Variants in FAXDC2 observed in about 807,000 individuals in gnomAD.
FAXDC2 encodes the protein fatty acid hydroxylase domain-containing protein 2.
FAXDC2 carries 41 observed loss-of-function variants against 40.9 expected under a neutral mutation model. The observed-to-expected ratio is 1.00, with a 90% confidence interval of 0.78 to 1.30. FAXDC2 has a LOEUF of 1.30. Ranked by LOEUF, FAXDC2 falls within the 50% of genes most tolerant of loss-of-function variation. The pLI, the probability that FAXDC2 is intolerant of heterozygous loss-of-function variation, is 0.00. For synonymous variants in FAXDC2, 157 were observed against 149.3 expected (o/e 1.05, Z -0.38); for missense variants, 390 against 408.8 (o/e 0.95, Z 0.40).
chr5:154,820,321 C>G lies in FAXDC2; in HGVS notation c.997G>C (p.Glu333Gln). Residue 333 changes from glutamate (E) to glutamine (Q), a missense_variant, in exon 9 of 9, where the codon GAG becomes CAG. Transcript: ENST00000326080. ...ESIPDSPKRME is the reference protein window; with the variant it reads ...ESIPDSPKRMQ ...GATGACACTTAGGCTGTCTCTCACT[C>G]CATCCTCTTTGGGGAGTCTGGGATG... The G allele has an allele frequency of 6.2e-7, 1 of 1,607,202 alleles. No individual in the cohort carries two copies.
chr5:154,837,096 T>A (rs560207406), intron 2 of FAXDC2, among the ~76,000 whole-genome samples: 22 of 152,218 alleles, frequency 1.4e-4, no homozygotes, highest in Non-Finnish European at 2.5e-4. Context: ...ATCCCACTTC[T>A]GATCAAAAGA....
intron 5 of FAXDC2, among the ~76,000 whole-genome samples, chr5:154,825,735 T>C (rs1357743077): frequency 6.9e-6 from 1 of 144,224 alleles, no homozygotes; most frequent in African/African-American, 2.6e-5. Flanking sequence ...TGGTGAGAAG[T>C]GGTAAGAAGT....
rs1244561778 is a variant in FAXDC2, at chr5:154,824,489, T to C, written c.367-897A>G. 4.3e-6 allele frequency: 3 copies of C among 702,598 alleles called. No individual in the cohort carries two copies. In the East Asian group the frequency reaches 8.0e-5, roughly 19 times the overall value. 43.5% of individuals were successfully genotyped at this position (702,598 alleles called of 1,614,324 possible). On this transcript the variant is annotated intron_variant, in intron 5 of 8. Coordinates refer to ENST00000326080, the MANE Select transcript of FAXDC2 (RefSeq NM_032385.5). ...TCCTCCAGCCTTTCCAGGCACTGCA[T>C]GCATTAACTGATTTCAGAATTCACT...
At chr5:154,849,585 A>G (rs893416369) in intron 1 of FAXDC2, among the ~76,000 whole-genome samples, 6 of 152,348 alleles carry the variant, frequency 3.9e-5, no homozygotes, top group East Asian at 1.9e-4. Flanking sequence ...AAAGTGTTCA[A>G]CATTTGCTAT....
At chr5:154,821,962 G>C (rs1022764710) in intron 7 of FAXDC2, 1 of 157,344 alleles carries the variant, frequency 6.4e-6, no homozygotes, top group Non-Finnish European at 1.4e-5. Context: ...GGTGGCACAC[G>C]CCTGTAATCC....
chr5:154,823,334 T>C, intron 6 of FAXDC2, 53 bp downstream of exon 6: 1 of 1,545,082 alleles, frequency 6.5e-7, no homozygotes, highest in Admixed American at 1.7e-5. Flanking sequence ...TGTTGATCAG[T>C]GAGCCCTAGA....
chr5:154,821,373 C>T lies in FAXDC2; in HGVS notation c.732G>A (p.Leu244=). Residue 244 remains leucine (L), a synonymous_variant, in exon 8 of 9, where the codon TTG becomes TTA. Transcript: ENST00000326080. ...AGGAAAACCACATGGTGATGGAGGA[C>T]AAGTGGGAGCCCATTACTAATGGGC... ...IVGPLVMGSH[L]SSITMWFSLA... is the part of the protein sequence containing the mutation. The T allele has an allele frequency of 6.2e-7, 1 of 1,612,010 alleles. No homozygotes were observed. The highest frequency in any genetic ancestry group is 8.5e-7 in the Non-Finnish European group (1 of 1,179,318).
intron 5 of FAXDC2, among the ~76,000 whole-genome samples, chr5:154,827,419 TTTTG>T (rs1760066060): frequency 1.2e-5 from 1 of 80,250 alleles, no homozygotes; most frequent in African/African-American, 4.7e-5. Context: ...TTTTCTGTTA[TTTTG>T]TGTGTGTGTG....
rs544469651 is a variant in FAXDC2, at chr5:154,820,305, T to C, written c.*11A>G. The stretch of plus-strand genomic sequence containing the variant: ...GCTGAGGGACAGCCAGGATGACACT[T>C]AGGCTGTCTCTCACTCCATCCTCTT... On this transcript the variant is annotated 3_prime_UTR_variant, in exon 9 of 9. Transcript: ENST00000326080. 4 of 1,594,546 alleles carry C rather than the reference T, an allele frequency of 2.5e-6. No homozygotes were observed. In the South Asian group the frequency reaches 4.6e-5, roughly 18 times the overall value.
At chr5:154,837,286 T>G (rs914175069) in intron 2 of FAXDC2, among the ~76,000 whole-genome samples, 1 of 150,888 alleles carries the variant, frequency 6.6e-6, no homozygotes, top group Non-Finnish European at 1.5e-5. Context: ...TTTGTTTTTT[T>G]GTTTGTTTGT....
chr5:154,824,449 T>C lies in FAXDC2; in HGVS notation c.367-857A>G, dbSNP rs544024111. The stretch of plus-strand genomic sequence containing the variant: ...CGACAGGTTCAGAATGGTCCCCAGC[T>C]TGAGGCCTGCCTCTTCCTCCAGCCT... On this transcript the variant is annotated intron_variant, in intron 5 of 8. Transcript: ENST00000326080. 1.5e-4 allele frequency: 103 copies of C among 702,380 alleles called. 6 individuals carry two copies. The South Asian group carries it at 1.5e-3, about 10-fold the overall frequency. 43.5% of individuals were successfully genotyped at this position (702,380 alleles called of 1,614,324 possible). A position where few individuals can be genotyped will look rare whatever the true frequency, so the allele number is the denominator to read the frequency against.
Position 154,835,063 on chromosome 5 carries a change from T to TC in FAXDC2, c.49-130dup. The stretch of plus-strand genomic sequence containing the variant: ...CAACCAGGAAGGCACATCTGCGTTT[T>TC]CCAGCTGGCCTTTTCCAGCTTCTGT... On this transcript the variant is annotated intron_variant, in intron 2 of 8. Transcript: ENST00000326080. 6 of 649,538 alleles carry TC rather than the reference T, an allele frequency of 9.2e-6. No individual in the cohort carries two copies. In the South Asian group the frequency reaches 1.1e-4, roughly 12 times the overall value. The allele number at this position is 649,538 out of a possible 1,614,324, so 40.2% of individuals were successfully genotyped here. A position where few individuals can be genotyped will look rare whatever the true frequency, so the allele number is the denominator to read the frequency against.
In FAXDC2 at chr5:154,821,437, A is replaced by G; in HGVS notation, c.679-11T>C. 6.2e-7 allele frequency: 1 copy of G among 1,608,684 alleles called. No homozygotes were observed. Among genetic ancestry groups the G allele is most frequent in the Non-Finnish European group, 8.5e-7 (1 of 1,177,754 alleles). ...TAGCATGTTGGAGACCTGCAAGAGG[A>G]GGGATGATTGAAGGCAGGGTCCAGG... is the stretch of plus-strand genomic sequence containing the variant. On this transcript the variant is annotated splice_polypyrimidine_tract_variant and intron_variant, in intron 7 of 8. Coordinates refer to ENST00000326080, the MANE Select transcript of FAXDC2 (RefSeq NM_032385.5).
intron 1 of FAXDC2, among the ~76,000 whole-genome samples, chr5:154,846,416 C>T (rs1258981382): frequency 2.0e-5 from 3 of 151,984 alleles, no homozygotes; most frequent in East Asian, 3.8e-4. Context: ...ATGCTTTTTG[C>T]CCTATTTTAT....
chr5:154,839,085 G>A (rs1285760395), intron 1 of FAXDC2: 2 of 151,988 alleles, frequency 1.3e-5, no homozygotes, highest in East Asian at 1.9e-4. Context: ...CTGCACTTTC[G>A]GAGGCCAAGG....
intron 1 of FAXDC2, among the ~76,000 whole-genome samples, chr5:154,848,445 G>C (rs2113177105): frequency 6.6e-6 from 1 of 152,270 alleles, no homozygotes; most frequent in South Asian, 2.1e-4. Context: ...CACAGGGAGA[G>C]GGCAACTGAC....
chr5:154,826,074 C>T (rs896809175), intron 5 of FAXDC2, among the ~76,000 whole-genome samples: 7 of 151,956 alleles, frequency 4.6e-5, no homozygotes, highest in Non-Finnish European at 7.4e-5. Context: ...TGTGAGCTGT[C>T]GGCCTATGGA....
chr5:154,847,649 C>G (rs1161053422), intron 1 of FAXDC2, among the ~76,000 whole-genome samples: 2 of 150,290 alleles, frequency 1.3e-5, no homozygotes, highest in African/African-American at 4.9e-5. Context: ...CCCCACCATG[C>G]CTGGCTAATT....
Position 154,821,303 on chromosome 5 carries a change from G to T in FAXDC2, c.802C>A (p.Pro268Thr). ...TGGAATTCAGGCGAAGGCAGGAAGG[G>T]AAGGTGGTAGCCACAGTGGGAGATG... ...TTISHCGYHL[P>T]FLPSPEFHDY... Residue 268 changes from proline (P) to threonine (T), a missense_variant, in exon 8 of 9, where the codon CCC becomes ACC. Physicochemically the swap from Pro to Thr is conservative, Grantham distance 38. Coordinates refer to ENST00000326080, the MANE Select transcript of FAXDC2 (RefSeq NM_032385.5). 1 of 1,611,886 alleles carries T rather than the reference G, an allele frequency of 6.2e-7. No homozygotes were observed. The highest frequency in any genetic ancestry group is 8.5e-7 in the Non-Finnish European group (1 of 1,178,994).
Sources: gnomAD v4.1 joint callset for allele counts (sites outside exome capture counted in the v4.1 genomes callset) on GRCh38, gnomAD v4.1.1 for gene constraint, MANE v1.5 for transcripts, NCBI Gene and HGNC (gene_info 2026-07-23, HGNC 2026-07-21) for gene names.